GARIN5B: variants seen among roughly 807,000 people sequenced by gnomAD.
GARIN5B encodes golgi associated RAB2 interactor family member 5B.
At chr19:55,358,276 G>GT in the GARIN5B span, 2 of 1,550,920 alleles carry the variant, frequency 1.3e-6, no homozygotes, top group African/African-American at 1.4e-5. Flanking sequence ...TGGCCAGGGG[G>GT]TGCTGGGCTG....
chr19:55,358,459 G>A, the GARIN5B span: 6 of 1,528,250 alleles, frequency 3.9e-6, no homozygotes, highest in Admixed American at 8.3e-5. Flanking sequence ...GACTGGCAGA[G>A]GTGGGCTTGG....
the GARIN5B span, chr19:55,362,367 A>G: frequency 6.4e-7 from 1 of 1,550,522 alleles, no homozygotes; most frequent in Non-Finnish European, 8.7e-7. Flanking sequence ...CGGACCCAGC[A>G]GTGGAACAGG....
chr19:55,363,020 G>T, the GARIN5B span: 1 of 1,493,244 alleles, frequency 6.7e-7, no homozygotes, highest in South Asian at 1.3e-5. This position sits in a 1 kb window ranked among gnomAD's most constrained non-coding sequence, Gnocchi z 4.0. Flanking sequence ...CCACTTCGGG[G>T]TGCCCTGGAG....
At chr19:55,361,102 G>C in the GARIN5B span, 2 of 1,551,248 alleles carry the variant, frequency 1.3e-6, no homozygotes, top group East Asian at 2.4e-5. Context: ...GCGCTTGAGC[G>C]CCTGGAGTGG....
the GARIN5B span, chr19:55,359,074 G>A: frequency 1.2e-5 from 18 of 1,551,204 alleles, no homozygotes; most frequent in Admixed American, 1.2e-4. Flanking sequence ...TCTCCACCAC[G>A]TCTGTCTCCT....
At chr19:55,358,256 G>T in the GARIN5B span, 2 of 1,550,990 alleles carry the variant, frequency 1.3e-6, no homozygotes, top group Non-Finnish European at 1.7e-6. Context: ...TTCTGAAGAC[G>T]ACCCCACAGT....
chr19:55,355,455 G>A, the GARIN5B span: 1 of 1,138,998 alleles, frequency 8.8e-7, no homozygotes, highest in Non-Finnish European at 1.3e-6. Context: ...CGTCCCCCAG[G>A]GCGGGTCTTG....
the GARIN5B span, chr19:55,361,029 A>G: frequency 0.99 from 1,528,640 of 1,550,854 alleles, 754,007 homozygotes; most frequent in Non-Finnish European, 1. Flanking sequence ...TCCTGACGTC[A>G]GCATGCTCCA....
At chr19:55,359,432 G>T in the GARIN5B span, 6 of 1,549,624 alleles carry the variant, frequency 3.9e-6, no homozygotes, top group Non-Finnish European at 5.2e-6. Context: ...GGCCTTCCGG[G>T]ATGGAGCAGG....
At chr19:55,357,922 C>G in the GARIN5B span, among the ~76,000 whole-genome samples, 1 of 152,058 alleles carries the variant, frequency 6.6e-6, no homozygotes, top group Non-Finnish European at 1.5e-5. Flanking sequence ...GGCGTGGTGG[C>G]ACACGCCTGT....
At chr19:55,361,816 C>CCAGGA in the GARIN5B span, among the ~76,000 whole-genome samples, 1 of 114,022 alleles carries the variant, frequency 8.8e-6, no homozygotes, top group Admixed American at 9.1e-5. Flanking sequence ...ACCCAGGAGT[C>CCAGGA]CCCCAGCCCC....
At chr19:55,362,423 C>A in the GARIN5B span, 1 of 1,550,412 alleles carries the variant, frequency 6.4e-7, no homozygotes, top group Non-Finnish European at 8.7e-7. Context: ...GTAGTACTGG[C>A]GGCCCGAGAC....
the GARIN5B span, among the ~76,000 whole-genome samples, chr19:55,356,613 C>T: frequency 2.0e-5 from 3 of 151,726 alleles, no homozygotes; most frequent in African/African-American, 7.3e-5. Flanking sequence ...TTTGTTTTCA[C>T]ATTTTGTAGA....
At chr19:55,362,545 AG>A in the GARIN5B span, 9 of 662,364 alleles carry the variant, frequency 1.4e-5, no homozygotes, top group Non-Finnish European at 1.7e-5. Context: ...GGAGGGGTGG[AG>A]GGGGCGGCCG....
the GARIN5B span, chr19:55,355,141 G>A: frequency 6.1e-6 from 1 of 163,958 alleles, no homozygotes; most frequent in Non-Finnish European, 1.3e-5. Context: ...CGGGCTCCTG[G>A]GAACCCCCCC....
chr19:55,362,995 C>A, the GARIN5B span: 1 of 1,485,800 alleles, frequency 6.7e-7, no homozygotes, highest in East Asian at 2.5e-5. Flanking sequence ...TTTGCAGCTC[C>A]CCCAGAACAG....
the GARIN5B span, chr19:55,359,993 G>C: frequency 3.3e-6 from 5 of 1,530,860 alleles, no homozygotes; most frequent in Non-Finnish European, 4.4e-6. Context: ...TAGGTGGACA[G>C]AGGGGAGAGG....
chr19:55,356,454 C>T, the GARIN5B span, among the ~76,000 whole-genome samples: 1 of 151,920 alleles, frequency 6.6e-6, no homozygotes, highest in Non-Finnish European at 1.5e-5. Context: ...CTCACTGCAA[C>T]CCGTCGCCAT....
chr19:55,362,553 G>T, the GARIN5B span: 1 of 1,502,838 alleles, frequency 6.7e-7, no homozygotes. Context: ...GGAGGGGGCG[G>T]CCGAGGGGTT....
Sources: gnomAD v4.1 joint callset for allele counts (sites outside exome capture counted in the v4.1 genomes callset) on GRCh38, gnomAD v4.1.1 for gene constraint, Gnocchi (gnomAD v3.1) non-coding constraint, MANE v1.5 for transcripts, NCBI Gene and HGNC (gene_info 2026-07-23, HGNC 2026-07-21) for gene names.